The following ADAMTSL4 variants were observed in gnomAD, a reference collection of about 807,000 sequenced individuals.
ADAMTSL4 encodes ADAMTS-like protein 4.
ADAMTSL4 carries 97 observed loss-of-function variants against 122.8 expected under a neutral mutation model. The ratio of observed to expected loss-of-function variants is 0.79; its 90% CI spans 0.67 to 0.93. ADAMTSL4 has a LOEUF of 0.93. ADAMTSL4 is among the 40% of genes least tolerant of loss of function. ADAMTSL4 has a pLI of 0.00. For synonymous variants in ADAMTSL4, 592 were observed against 568.0 expected (o/e 1.04, Z -0.60); for missense variants, 1,408 against 1,453.5 (o/e 0.97, Z 0.51).
chr1:150,559,038 G>A lies in ADAMTSL4; in HGVS notation c.2636G>A (p.Gly879Asp). The A allele has an allele frequency of 6.2e-7, 1 of 1,612,356 alleles. No homozygotes were observed. Among genetic ancestry groups the A allele is most frequent in the South Asian group, 1.1e-5 (1 of 91,012 alleles). The change falls in exon 16 of 19, where the codon GGC becomes GAC. Residue 879 changes from glycine (G) to aspartate (D), a missense_variant. By Grantham distance (94) the Gly-to-Asp change is moderately conservative (BLOSUM62 -1). Coordinates refer to ENST00000271643, the MANE Select transcript of ADAMTSL4 (RefSeq NM_019032.6). This position sits in a 1 kb window ranked among gnomAD's most constrained non-coding sequence, Gnocchi z 4.1. ...CLGSGAALGP[G>D]QGEAGAGTGQ... The stretch of plus-strand genomic sequence containing the variant: ...GGGAGTGGGGCAGCCCTCGGGCCAG[G>A]CCAGGGGGAAGCAGGAGCAGGAACT...
Position 150,556,052 on chromosome 1 carries a change from A to T in ADAMTSL4, c.1372-110A>T. On this transcript the variant is annotated intron_variant, in intron 8 of 18. Coordinates refer to ENST00000271643, the MANE Select transcript of ADAMTSL4 (RefSeq NM_019032.6). The surrounding 1 kb of genome is among the most constrained non-coding windows in gnomAD (Gnocchi z 4.1). ...ATGGTGGGGCTGTTTTTGTGCTCTC[A>T]CTTGTGGCACAAAAAGCAGGGTAGT... 8.3e-7 allele frequency: 1 copy of T among 1,202,360 alleles called. No individual in the cohort carries two copies. The highest frequency in any genetic ancestry group is 1.2e-6 in the Non-Finnish European group (1 of 829,932). The allele number at this position is 1,202,360 out of a possible 1,614,324, so 74.5% of individuals were successfully genotyped here.
Position 150,559,627 on chromosome 1 carries a change from C to T in ADAMTSL4, c.2944-134C>T, listed in dbSNP as rs1274599562. On this transcript the variant is annotated intron_variant, in intron 17 of 18. Transcript: ENST00000271643. This position sits in a 1 kb window ranked among gnomAD's most constrained non-coding sequence, Gnocchi z 4.1. ...TTATAGACTTGGAGGAAAGATGGGC[C>T]CTCTCCATTTGGGATTTCACAATGT... is the stretch of plus-strand genomic sequence containing the variant. The T allele has an allele frequency of 1.9e-5, 30 of 1,557,004 alleles. No homozygotes were observed. Among genetic ancestry groups the T allele is most frequent in the Non-Finnish European group, 2.6e-5 (30 of 1,142,842 alleles).
rs1671934729 is a variant in ADAMTSL4 at position 150,555,494 on chromosome 1, AC to A, written c.1301del (p.Thr434MetfsTer24). On this transcript the variant is annotated frameshift_variant, in exon 8 of 19. Transcript: ENST00000271643. LOFTEE classifies it high-confidence loss of function. Reference protein sequence around the residue: ...PRGFRFYVRHTEKVQDGTLCQ... With the variant: ...PRGFRFYVRHXEKVQDGTLCQ... Reference sequence around the variant, plus strand: ...TGGCTTCCGCTTCTATGTCCGTCACACTGAAAAGGTCCAGGATGGGACCCTG... The same window carrying A: ...TGGCTTCCGCTTCTATGTCCGTCACATGAAAAGGTCCAGGATGGGACCCTG... 6.2e-7 allele frequency: 1 copy of A among 1,613,992 alleles called. No individual in the cohort carries two copies. The highest frequency in any genetic ancestry group is 1.3e-5 in the African/African-American group (1 of 74,914).
Position 150,558,158 on chromosome 1 carries a change from GC to G in ADAMTSL4, c.2382+12del, listed in dbSNP as rs1672397200. 5.0e-6 allele frequency: 8 copies of G among 1,613,198 alleles called. No individual in the cohort carries two copies. Among genetic ancestry groups the G allele is most frequent in the Non-Finnish European group, 6.8e-6 (8 of 1,179,972 alleles). The stretch of plus-strand genomic sequence containing the variant: ...GCTCTCCTTGGAGCCAGGTGAGTTT[GC>G]CCAGGCAAGGAGGTGCTGGGGAGGG... On this transcript the variant is annotated intron_variant, in intron 14 of 18. Transcript: ENST00000271643.
intron 12 of ADAMTSL4, 66 bp downstream of exon 12, chr1:150,557,401 G>A (rs1051577651): frequency 6.2e-7 from 1 of 1,604,836 alleles, no homozygotes; most frequent in East Asian, 2.3e-5. Context: ...CCCGCATCCT[G>A]GATTGTGGGG....
intron 13 of ADAMTSL4, 45 bp from the exon 14 acceptor site, chr1:150,557,900 C>T (rs776422227): frequency 1.3e-6 from 2 of 1,580,960 alleles, no homozygotes; most frequent in Admixed American, 1.7e-5. Context: ...CCCCACACAT[C>T]TCATCTATGT....
intron 2 of ADAMTSL4, chr1:150,550,787 G>GCGCC (rs760127193): frequency 2.2e-6 from 1 of 456,462 alleles, no homozygotes; most frequent in South Asian, 1.5e-5. Flanking sequence ...AATCCCTGAG[G>GCGCC]CGCCCGCTCT....
chr1:150,555,798 C>T (rs1029435887), intron 8 of ADAMTSL4, among the ~76,000 whole-genome samples: 24 of 151,970 alleles, frequency 1.6e-4, no homozygotes, highest in East Asian at 1.9e-4. Context: ...CATGTGCACA[C>T]GTGCATGAAC....
Position 150,560,529 on chromosome 1 carries a change from G to A in ADAMTSL4, c.*333G>A, listed in dbSNP as rs587633776. On this transcript the variant is annotated 3_prime_UTR_variant, in exon 19 of 19. Transcript: ENST00000271643. ...TCCTTGAGACTTTCCTAGGTGGAAAGGAAAGCAAGTCTGCAGTTCCTTGCT... is the reference window on the plus strand; with the variant it reads ...TCCTTGAGACTTTCCTAGGTGGAAAAGAAAGCAAGTCTGCAGTTCCTTGCT... 2.8e-5 allele frequency: 11 copies of A among 386,112 alleles called. No homozygotes were observed. Among genetic ancestry groups the A allele is most frequent in the Non-Finnish European group, 4.4e-5 (9 of 205,422 alleles). The allele number at this position is 386,112 out of a possible 1,614,324, so 23.9% of individuals were successfully genotyped here.
At position 150,558,607 on chromosome 1, in the gene ADAMTSL4, G is replaced by GA; in HGVS notation, c.2517_2518insA (p.Pro840ThrfsTer60). The GA allele has an allele frequency of 6.2e-7, 1 of 1,613,870 alleles. No individual in the cohort carries two copies. Among genetic ancestry groups the GA allele is most frequent in the Non-Finnish European group, 8.5e-7 (1 of 1,179,934 alleles). ...CCAGCAGAGAGGCCTGTGACATGGG[G>GA]CCCTGTACTACTGCCTGGTTCCACA... On this transcript the variant is annotated frameshift_variant, in exon 15 of 19. Transcript: ENST00000271643. LOFTEE classifies it high-confidence loss of function.
At position 150,560,306 on chromosome 1, in the gene ADAMTSL4, T is replaced by C; in HGVS notation, c.*110T>C. ...GCCTGTCCCAGTCTCAGCAGGGATG[T>C]CCTCCAGGTGACAGAGGGTGGCAAG... On this transcript the variant is annotated 3_prime_UTR_variant, in exon 19 of 19. Transcript: ENST00000271643. 6.7e-7 allele frequency: 1 copy of C among 1,501,310 alleles called. No individual in the cohort carries two copies. Among genetic ancestry groups the C allele is most frequent in the Non-Finnish European group, 9.0e-7 (1 of 1,111,916 alleles). 93.0% of individuals were successfully genotyped at this position (1,501,310 alleles called of 1,614,324 possible). A position where few individuals can be genotyped will look rare whatever the true frequency, so the allele number is the denominator to read the frequency against.
At position 150,552,310 on chromosome 1, in the gene ADAMTSL4, T is replaced by C; in HGVS notation, c.20+2T>C. 1 of 1,550,700 alleles carries C rather than the reference T, an allele frequency of 6.4e-7. No individual in the cohort carries two copies. The highest frequency in any genetic ancestry group is 2.4e-5 in the East Asian group (1 of 41,030). On this transcript the variant is annotated splice_donor_variant, in intron 3 of 18. Coordinates refer to ENST00000271643, the MANE Select transcript of ADAMTSL4 (RefSeq NM_019032.6). LOFTEE classifies it high-confidence loss of function. The surrounding 1 kb of genome is among the most constrained non-coding windows in gnomAD (Gnocchi z 4.0). Reference sequence around the variant, plus strand: ...AGCGATGGAGAACTGGACTGGCAGGTGAGAGAAGGGGCCACGGGTTGGGGG... The same window carrying C: ...AGCGATGGAGAACTGGACTGGCAGGCGAGAGAAGGGGCCACGGGTTGGGGG...
chr1:150,556,806 C>A lies in ADAMTSL4; in HGVS notation c.1749+13C>A, dbSNP rs771861279. On this transcript the variant is annotated intron_variant, in intron 10 of 18. Coordinates refer to ENST00000271643, the MANE Select transcript of ADAMTSL4 (RefSeq NM_019032.6). The surrounding 1 kb of genome is among the most constrained non-coding windows in gnomAD (Gnocchi z 4.1). ...TGTGGATGTCTATGTGAGCCTGGGG[C>A]CAGGGGCAGCTGAATGCTGGGGAGG... 3.7e-6 allele frequency: 6 copies of A among 1,611,298 alleles called. No homozygotes were observed. The highest frequency in any genetic ancestry group is 5.1e-6 in the Non-Finnish European group (6 of 1,179,006).
In ADAMTSL4 at chr1:150,559,651, G is replaced by A; in HGVS notation, c.2944-110G>A. On this transcript the variant is annotated intron_variant, in intron 17 of 18. Transcript: ENST00000271643. This position sits in a 1 kb window ranked among gnomAD's most constrained non-coding sequence, Gnocchi z 4.1. ...CCCTCTCCATTTGGGATTTCACAAT[G>A]TCCTAGGAGGGTCCCCACCACCACC... 2 of 1,590,836 alleles carry A rather than the reference G, an allele frequency of 1.3e-6. No homozygotes were observed. The highest frequency in any genetic ancestry group is 8.6e-7 in the Non-Finnish European group (1 of 1,167,166).
In ADAMTSL4 at chr1:150,553,576, G is replaced by A. The variant is rs761599750; in HGVS notation, c.585G>A (p.Pro195=). The A allele has an allele frequency of 4.4e-5, 71 of 1,613,486 alleles. No individual in the cohort carries two copies. Among genetic ancestry groups the A allele is most frequent in the Non-Finnish European group, 5.8e-5 (69 of 1,179,892 alleles). ...CTTCTAGAGGGGAAGAGGCTATTCC[G>A]TCCCCTACTCCAAGAGCAGAGCCAT... ...LISSRGEEAI[P]SPTPRAEPFS... Residue 195 remains proline, a synonymous_variant, in exon 6 of 19, where the codon CCG becomes CCA. Transcript: ENST00000271643.
At chr1:150,558,272 C>T (rs1570958029) in intron 14 of ADAMTSL4, 123 bp downstream of exon 14, 3 of 1,540,410 alleles carry the variant, frequency 1.9e-6, no homozygotes, top group South Asian at 2.4e-5. Flanking sequence ...CATATGGACC[C>T]CCAATATAGA....
chr1:150,555,614 G>GAC (rs10687239), intron 8 of ADAMTSL4, 49 bp downstream of exon 8: 2 of 1,609,502 alleles, frequency 1.2e-6, no homozygotes, highest in Middle Eastern at 1.7e-4. Context: ...TATGCACACA[G>GAC]ACACATGCCC....
rs1671662562 is a variant in ADAMTSL4 at position 150,553,549 on chromosome 1, C to A, written c.558C>A (p.Ile186=). The A allele has an allele frequency of 1.9e-6, 3 of 1,613,810 alleles. No homozygotes were observed. The highest frequency in any genetic ancestry group is 2.7e-5 in the African/African-American group (2 of 74,830). ...CACCCAGATCTGAGCTGTCCCTGAT[C>A]TCTTCTAGAGGGGAAGAGGCTATTC... The part of the protein sequence containing the change: ...RSPPRSELSL[I]SSRGEEAIPS... The change falls in exon 6 of 19, where the codon ATC becomes ATA. Residue 186 remains isoleucine (I), a synonymous_variant. Transcript: ENST00000271643.
intron 14 of ADAMTSL4, 130 bp downstream of exon 14, chr1:150,558,279 T>C: frequency 2.0e-6 from 3 of 1,531,126 alleles, no homozygotes; most frequent in Non-Finnish European, 2.6e-6. Flanking sequence ...ACCCCCAATA[T>C]AGAAGTCAGA....
Sources: gnomAD v4.1 joint callset for allele counts (sites outside exome capture counted in the v4.1 genomes callset) on GRCh38, gnomAD v4.1.1 for gene constraint, Gnocchi (gnomAD v3.1) non-coding constraint, MANE v1.5 for transcripts, NCBI Gene and HGNC (gene_info 2026-07-23, HGNC 2026-07-21) for gene names.